RNF115: variants seen among roughly 807,000 people sequenced by gnomAD.
RNF115 encodes ring finger protein 115, also known as E3 ubiquitin-protein ligase RNF115.
Under a neutral mutation model 39.2 loss-of-function variants are expected in RNF115, and 31 were observed. That is an observed-to-expected ratio of 0.79 (90% CI 0.59 to 1.07). The LOEUF (loss-of-function observed/expected upper bound fraction) is 1.07. RNF115 is among the 50% of genes least tolerant of loss of function. The pLI is 0.00. For synonymous variants in RNF115, 124 were observed against 131.0 expected (o/e 0.95, Z 0.37); for missense variants, 384 against 381.7 (o/e 1.01, Z -0.05).
intron 3 of RNF115, among the ~76,000 whole-genome samples, chr1:145,782,471 A>T (rs1406251855): frequency 6.6e-6 from 1 of 152,058 alleles, no homozygotes; most frequent in African/African-American, 2.4e-5. Context: ...ACACACACAC[A>T]CTTCTTAGCT....
Position 145,811,932 on chromosome 1 carries a change from T to TATAC in RNF115, c.102+11839_102+11840insGTAT, listed in dbSNP as rs1465945929. 4.9e-3 allele frequency among the ~76,000 whole-genome samples: 363 copies of TATAC among 73,976 alleles called. 1 individual carries two copies. Among genetic ancestry groups the TATAC allele is most frequent in the Non-Finnish European group, 6.6e-3 (226 of 34,374 alleles). The allele number at this position is 73,976 out of a possible 152,430, so 48.5% of individuals were successfully genotyped here. A position where few individuals can be genotyped will look rare whatever the true frequency, so the allele number is the denominator to read the frequency against. On this transcript the variant is annotated intron_variant, in intron 1 of 8. Transcript: ENST00000582693. Reference sequence around the variant, plus strand: ...AAATATATATATATATATATATATATACACACACACACATATATGTAGAAA... The same window carrying TATAC: ...AAATATATATATATATATATATATATATACACACACACACACATATATGTAGAAA...
intron 7 of RNF115, 83 bp from the exon 8 acceptor site, chr1:145,748,193 C>A (rs1363107545): frequency 6.8e-6 from 6 of 876,162 alleles, no homozygotes; most frequent in African/African-American, 5.0e-5. Context: ...ACCAACCCTA[C>A]GAATGCATAA....
At chr1:145,763,901 CCCCTCT>C (rs374861513) in intron 4 of RNF115, among the ~76,000 whole-genome samples, 18,145 of 139,102 alleles carry the variant, frequency 0.13, 1,289 homozygotes, top group East Asian at 0.24. Flanking sequence ...CCTCCCCCTC[CCCCTCT>C]CCCTCTCCCC....
At position 145,759,735 on chromosome 1, in the gene RNF115, G is replaced by GCT. The variant is rs1658430453; in HGVS notation, c.429-6688_429-6687dup. ...CACCTAACTCTCCATTGGAACAGAA[G>GCT]CTCTTATAATTGCCAACTAGGCTTC... On this transcript the variant is annotated intron_variant, in intron 4 of 8. Coordinates refer to ENST00000582693, the MANE Select transcript of RNF115 (RefSeq NM_014455.4). Among the ~76,000 whole-genome samples, 5 of 152,090 alleles carry GCT rather than the reference G, an allele frequency of 3.3e-5. No homozygotes were observed. The South Asian group carries it at 1.0e-3, about 32-fold the overall frequency.
rs1297600612 is a variant in RNF115, at chr1:145,742,031, C to T, written c.*4835G>A. 1 of 152,270 alleles carries T rather than the reference C, an allele frequency of 6.6e-6. No individual in the cohort carries two copies. The highest frequency in any genetic ancestry group is 6.5e-5 in the Admixed American group (1 of 15,274). 9.4% of individuals were successfully genotyped at this position (152,270 alleles called of 1,614,324 possible). A position where few individuals can be genotyped will look rare whatever the true frequency, so the allele number is the denominator to read the frequency against. ...GGCTGAGGCAAGAGAATCGCTTGAACCCAGGAGCGGGAGGTTGCAGTGACC... is the reference window on the plus strand; with the variant it reads ...GGCTGAGGCAAGAGAATCGCTTGAATCCAGGAGCGGGAGGTTGCAGTGACC... On this transcript the variant is annotated 3_prime_UTR_variant, in exon 9 of 9. Transcript: ENST00000582693.
chr1:145,750,388 A>G lies in RNF115; in HGVS notation c.667+19T>C. On this transcript the variant is annotated intron_variant, in intron 7 of 8. Transcript: ENST00000582693. The stretch of plus-strand genomic sequence containing the variant: ...ACCGAGATCAGAAGATGACAGAATA[A>G]GTATAAAAATGAACCTACCAACTTG... 16 of 1,558,744 alleles carry G rather than the reference A, an allele frequency of 1.0e-5. No homozygotes were observed. Among genetic ancestry groups the G allele is most frequent in the Non-Finnish European group, 1.3e-5 (15 of 1,130,234 alleles).
intron 3 of RNF115, among the ~76,000 whole-genome samples, chr1:145,783,554 G>T (rs145778180): frequency 2.0e-5 from 3 of 151,964 alleles, no homozygotes; most frequent in African/African-American, 7.3e-5. Context: ...TAGGCACTTC[G>T]GCTATCTCTG....
intron 4 of RNF115, among the ~76,000 whole-genome samples, chr1:145,764,612 C>G (rs1658679418): frequency 6.6e-6 from 1 of 151,910 alleles, no homozygotes; most frequent in Admixed American, 6.5e-5. Context: ...GGCAGCCGCC[C>G]CGTCTGGGAA....
chr1:145,771,749 T>C lies in RNF115; in HGVS notation c.390A>G (p.Arg130=), dbSNP rs1214482462. 1 of 1,614,060 alleles carries C rather than the reference T, an allele frequency of 6.2e-7. No homozygotes were observed. Among genetic ancestry groups the C allele is most frequent in the Non-Finnish European group, 8.5e-7 (1 of 1,180,010 alleles). The stretch of plus-strand genomic sequence containing the variant: ...GAGATCTGTCAGGACGAGAACTTCC[T>C]CGAGATCTGTATCTCCGACCCAATG... ...RLPLGRRYRS[R]GSSRPDRSPA... Residue 130 remains arginine, a synonymous_variant, in exon 4 of 9, where the codon CGA becomes CGG. Transcript: ENST00000582693.
chr1:145,766,596 C>T (rs12757892), intron 4 of RNF115, among the ~76,000 whole-genome samples: 3 of 149,320 alleles, frequency 2.0e-5, no homozygotes, highest in Admixed American at 6.6e-5. Flanking sequence ...CCTCACCTCC[C>T]GGACGGGGCG....
intron 4 of RNF115, among the ~76,000 whole-genome samples, chr1:145,762,982 T>A (rs1553714061): frequency 6.6e-6 from 1 of 151,994 alleles, no homozygotes; most frequent in Non-Finnish European, 1.5e-5. Flanking sequence ...AAGTAAGGAA[T>A]AATAAACACT....
intron 4 of RNF115, among the ~76,000 whole-genome samples, chr1:145,766,605 CGGCTGGCCGGGCGGGG>C (rs1647289214): frequency 3.4e-5 from 5 of 148,546 alleles, no homozygotes; most frequent in African/African-American, 1.0e-4. Flanking sequence ...CCGGACGGGG[CGGCTGGCCGGGCGGGG>C]GGCTGACCCC....
intron 3 of RNF115, among the ~76,000 whole-genome samples, chr1:145,781,646 G>A (rs1052109957): frequency 3.3e-5 from 5 of 152,084 alleles, no homozygotes; most frequent in Admixed American, 1.3e-4. Flanking sequence ...CCCTATGAGG[G>A]AAGGATGATT....
At chr1:145,782,619 A>G (rs1648200013) in intron 3 of RNF115, among the ~76,000 whole-genome samples, 1 of 152,252 alleles carries the variant, frequency 6.6e-6, no homozygotes, top group African/African-American at 2.4e-5. Flanking sequence ...GAAACTGACT[A>G]CATATATTTG....
chr1:145,794,927 G>A (rs1648892288), intron 1 of RNF115, among the ~76,000 whole-genome samples: 1 of 148,442 alleles, frequency 6.7e-6, no homozygotes, highest in Non-Finnish European at 1.5e-5. Flanking sequence ...TGAAGCAGGA[G>A]AATGGTGTGA....
At chr1:145,801,908 C>A (rs1649265179) in intron 1 of RNF115, among the ~76,000 whole-genome samples, 1 of 152,126 alleles carries the variant, frequency 6.6e-6, no homozygotes, top group Admixed American at 6.5e-5. Context: ...CCACCTCAGC[C>A]TCCCGAGTAG....
chr1:145,810,857 T>TTTTA (rs1375175753), intron 1 of RNF115, among the ~76,000 whole-genome samples: 3 of 146,906 alleles, frequency 2.0e-5, no homozygotes, highest in Non-Finnish European at 4.4e-5. Flanking sequence ...TTCTGCATAA[T>TTTTA]TTTATTTATT....
At chr1:145,787,669 T>C (rs970848446) in intron 2 of RNF115, among the ~76,000 whole-genome samples, 1 of 147,562 alleles carries the variant, frequency 6.8e-6, no homozygotes, top group Non-Finnish European at 1.5e-5. Context: ...GGCGGATCAC[T>C]TGAGGTCAGG....
intron 4 of RNF115, 107 bp from the exon 5 acceptor site, chr1:145,753,156 T>G (rs1658161433): frequency 2.8e-6 from 2 of 712,408 alleles, no homozygotes; most frequent in Non-Finnish European, 4.9e-6. Flanking sequence ...AAAATGGCTT[T>G]TCATTGGCTA....
Sources: allele counts gnomAD v4.1 joint callset (sites outside exome capture counted in the v4.1 genomes callset), GRCh38; gene constraint gnomAD v4.1.1; transcripts MANE v1.5; gene names NCBI Gene and HGNC (gene_info 2026-07-23, HGNC 2026-07-21).